The following SLC22A23 variants were observed in gnomAD, a reference collection of about 807,000 sequenced individuals.
The protein encoded by SLC22A23 is ion transporter protein.
Under a neutral mutation model 61.0 loss-of-function variants are expected in SLC22A23, and 26 were observed. The observed-to-expected ratio is 0.43, with a 90% confidence interval of 0.31 to 0.59. SLC22A23 has a LOEUF of 0.59. Ranked by LOEUF, SLC22A23 falls within the 20% of genes least tolerant of loss-of-function variation. The pLI, the probability that SLC22A23 is intolerant of heterozygous loss-of-function variation, is 0.11. For synonymous variants in SLC22A23, 430 were observed against 413.9 expected, an observed-to-expected ratio of 1.04 and a Z score of -0.47; for missense variants, 796 against 934.7, an observed-to-expected ratio of 0.85 and a Z score of 1.94.
chr6:3,352,070 C>CA (rs1764801840), intron 3 of SLC22A23, among the ~76,000 whole-genome samples: 2 of 151,868 alleles, frequency 1.3e-5, no homozygotes, highest in South Asian at 4.2e-4. Flanking sequence ...CCTCCCCAGG[C>CA]AGGGCTGCTG....
chr6:3,288,905 C>T lies in SLC22A23; in HGVS notation c.1313+859G>A, dbSNP rs534522469. Among the ~76,000 whole-genome samples, 102 of 152,356 alleles carry T rather than the reference C, an allele frequency of 6.7e-4. 2 individuals are homozygous for T. The South Asian group carries it at 0.021, about 31-fold the overall frequency. ...TCTTGTACTCCTCACAAATCAATTT[C>T]AACCCAGAACCCCAATATGGAGAAC... On this transcript the variant is annotated intron_variant, in intron 6 of 9. Coordinates refer to ENST00000406686, the MANE Select transcript of SLC22A23 (RefSeq NM_015482.2).
intron 3 of SLC22A23, among the ~76,000 whole-genome samples, chr6:3,391,217 C>T (rs530534894): frequency 5.9e-5 from 9 of 152,336 alleles, no homozygotes; most frequent in Middle Eastern, 3.4e-3. Context: ...AATGTCCTCA[C>T]CAGCTCATGG....
At chr6:3,448,388 G>A (rs1170795771) in intron 1 of SLC22A23, among the ~76,000 whole-genome samples, 2 of 152,202 alleles carry the variant, frequency 1.3e-5, no homozygotes. Context: ...GGATAGACAC[G>A]TGCAGCAGGC....
At chr6:3,296,128 T>A (rs1761066139) in intron 5 of SLC22A23, among the ~76,000 whole-genome samples, 1 of 152,188 alleles carries the variant, frequency 6.6e-6, no homozygotes, top group African/African-American at 2.4e-5. Flanking sequence ...AAACAAATTG[T>A]ACTGTAAGCC....
chr6:3,299,472 G>A (rs1201637021), intron 4 of SLC22A23, among the ~76,000 whole-genome samples: 3 of 152,056 alleles, frequency 2.0e-5, no homozygotes, highest in Non-Finnish European at 4.4e-5. Context: ...ACAACGCAGT[G>A]GTTTTCGAGT....
intron 5 of SLC22A23, 68 bp from the exon 6 acceptor site, chr6:3,289,934 C>A: frequency 1.7e-6 from 2 of 1,205,436 alleles, no homozygotes; most frequent in Non-Finnish European, 2.4e-6. Flanking sequence ...CAGCTGCAGT[C>A]ACAGCCCTGG....
intron 4 of SLC22A23, among the ~76,000 whole-genome samples, chr6:3,301,040 A>G (rs1761565807): frequency 6.6e-6 from 1 of 152,146 alleles, no homozygotes. Flanking sequence ...CTCTAGCTAT[A>G]CAAAATTAAT....
chr6:3,403,208 T>C (rs916128435), intron 3 of SLC22A23, among the ~76,000 whole-genome samples: 1 of 151,706 alleles, frequency 6.6e-6, no homozygotes, highest in Non-Finnish European at 1.5e-5. Context: ...TCAAGGTGAC[T>C]GATTTATTTC....
intron 1 of SLC22A23, among the ~76,000 whole-genome samples, chr6:3,418,458 C>T (rs907196965): frequency 2.0e-5 from 3 of 152,212 alleles, no homozygotes; most frequent in Admixed American, 2.0e-4. Flanking sequence ...CCTTGGGCAG[C>T]CATGACCCCA....
intron 3 of SLC22A23, among the ~76,000 whole-genome samples, chr6:3,403,176 CTTT>C (rs5873881): frequency 1.4e-5 from 2 of 147,200 alleles, no homozygotes; most frequent in Non-Finnish European, 1.5e-5. Flanking sequence ...TAATGTTTTG[CTTT>C]TTTTTTTTTT....
In SLC22A23 at chr6:3,410,531, C is replaced by A. The variant is rs1769152324; in HGVS notation, c.759-189G>T. 2.0e-5 allele frequency among the ~76,000 whole-genome samples: 3 copies of A among 152,076 alleles called. No homozygotes were observed. Among genetic ancestry groups the A allele is most frequent in the African/African-American group, 7.2e-5 (3 of 41,396 alleles). ...GGTAAAAAGGGAGATTTAGCCCAAC[C>A]CCCTAATTCTCGAGATAAGGGAGCA... On this transcript the variant is annotated intron_variant, in intron 2 of 9. Transcript: ENST00000406686. The surrounding 1 kb of genome is among the most constrained non-coding windows in gnomAD (Gnocchi z 5.0).
intron 3 of SLC22A23, among the ~76,000 whole-genome samples, chr6:3,335,289 C>A (rs759133400): frequency 1.3e-5 from 2 of 152,176 alleles, no homozygotes; most frequent in Non-Finnish European, 2.9e-5. Context: ...GGCTCCGAGG[C>A]CTTCTAACAC....
Position 3,452,315 on chromosome 6 carries a change from C to T in SLC22A23, c.654+3591G>A, listed in dbSNP as rs147476481. Among the ~76,000 whole-genome samples, 1,288 of 152,234 alleles carry T rather than the reference C, an allele frequency of 8.5e-3. 11 individuals carry two copies. The highest frequency in any genetic ancestry group is 0.014 in the Non-Finnish European group (921 of 68,008). On this transcript the variant is annotated intron_variant, in intron 1 of 9. Transcript: ENST00000406686. ...TCCATGATTGGCACCTGCTATTAGT[C>T]TGGCTGGTGGCTCACACCTATAATC...
chr6:3,379,553 G>A (rs754912234), intron 3 of SLC22A23, among the ~76,000 whole-genome samples: 4 of 152,114 alleles, frequency 2.6e-5, no homozygotes, highest in African/African-American at 7.2e-5. Flanking sequence ...GATAGACAGC[G>A]TTTTCCACGT....
intron 5 of SLC22A23, 114 bp from the exon 6 acceptor site, chr6:3,289,980 G>GT: frequency 3.7e-6 from 2 of 537,170 alleles, no homozygotes; most frequent in Admixed American, 3.0e-5. Context: ...GGAGAGAGAA[G>GT]CTTTTTTTTT....
chr6:3,296,142 G>A (rs1761067633), intron 5 of SLC22A23, among the ~76,000 whole-genome samples: 1 of 152,228 alleles, frequency 6.6e-6, no homozygotes, highest in South Asian at 2.1e-4. Context: ...GTAAGCCTAA[G>A]AGCATTAACC....
Position 3,456,067 on chromosome 6 carries a change from AG to A in SLC22A23, c.492del (p.Trp165GlyfsTer76). 1 of 1,549,398 alleles carries A rather than the reference AG, an allele frequency of 6.5e-7. No individual in the cohort carries two copies. The part of the protein sequence containing the change: ...SLPTTPFATA[P>X]WEAAGNRSNS... ...TTGCTCCGGTTGCCCGCAGCCTCCC[AG>A]GGGGCAGTGGCGAAGGGGGTGGTGG... is the stretch of plus-strand genomic sequence containing the variant. On this transcript the variant is annotated frameshift_variant, in exon 1 of 10. Coordinates refer to ENST00000406686, the MANE Select transcript of SLC22A23 (RefSeq NM_015482.2). LOFTEE classifies it high-confidence loss of function. This position sits in a 1 kb window ranked among gnomAD's most constrained non-coding sequence, Gnocchi z 7.1.
rs538934853 is a variant in SLC22A23, at chr6:3,305,010, C to T, written c.1083-6792G>A. Among the ~76,000 whole-genome samples, 14 of 152,076 alleles carry T rather than the reference C, an allele frequency of 9.2e-5. No homozygotes were observed. The East Asian group carries it at 1.4e-3, about 15-fold the overall frequency. ...CAGCACTCCCCAGGAGATCTGGGCG[C>T]GAGACAAGGGACAGGCTCCCCTTAG... On this transcript the variant is annotated intron_variant, in intron 4 of 9. Transcript: ENST00000406686.
chr6:3,407,856 T>G (rs370786263), intron 3 of SLC22A23, among the ~76,000 whole-genome samples: 25 of 152,144 alleles, frequency 1.6e-4, no homozygotes, highest in African/African-American at 6.0e-4. Flanking sequence ...ATAACACAAA[T>G]TATGGAGGAA....
Sources: allele counts gnomAD v4.1 joint callset (sites outside exome capture counted in the v4.1 genomes callset), GRCh38; gene constraint gnomAD v4.1.1; non-coding constraint Gnocchi (gnomAD v3.1); transcripts MANE v1.5; gene names NCBI Gene and HGNC (gene_info 2026-07-23, HGNC 2026-07-21).